Variants in TC2N observed in about 807,000 individuals in gnomAD.
TC2N encodes tandem C2 domains nuclear protein.
In TC2N, 51 loss-of-function variants were observed where a neutral mutation model predicts 61.9. The ratio of observed to expected loss-of-function variants is 0.82; its 90% CI spans 0.66 to 1.04. The LOEUF is 1.04. TC2N is among the 50% of genes least tolerant of loss of function. The pLI, the probability that TC2N is intolerant of heterozygous loss-of-function variation, is 0.00. For missense variants in TC2N, 556 were observed against 566.7 expected, an observed-to-expected ratio of 0.98 and a Z score of 0.19; for synonymous variants, 204 against 192.6, an observed-to-expected ratio of 1.06 and a Z score of -0.49.
At chr14:91,829,482 A>G (rs536886734) in intron 1 of TC2N, among the ~76,000 whole-genome samples, 7 of 152,234 alleles carry the variant, frequency 4.6e-5, no homozygotes, top group African/African-American at 1.4e-4. Flanking sequence ...AAGCTGAAAG[A>G]TGAGTTTTAT....
chr14:91,849,227 C>T (rs961253804), intron 1 of TC2N, among the ~76,000 whole-genome samples: 1 of 152,140 alleles, frequency 6.6e-6, no homozygotes, highest in Non-Finnish European at 1.5e-5. Context: ...TTTCACTTCC[C>T]CAGTAAGAGT....
chr14:91,865,901 T>A (rs1566793474), intron 1 of TC2N, among the ~76,000 whole-genome samples: 2 of 152,200 alleles, frequency 1.3e-5, no homozygotes, highest in Non-Finnish European at 2.9e-5. Flanking sequence ...AAGTTTTAGA[T>A]TAACTTTTTA....
intron 4 of TC2N, among the ~76,000 whole-genome samples, chr14:91,800,794 T>A (rs930996422): frequency 1.3e-5 from 2 of 152,062 alleles, no homozygotes; most frequent in African/African-American, 4.8e-5. Context: ...TATTTTTAGT[T>A]TCCCTCCTAC....
At chr14:91,790,589 A>G (rs1398060818) in intron 9 of TC2N, among the ~76,000 whole-genome samples, 6 of 152,258 alleles carry the variant, frequency 3.9e-5, no homozygotes, top group Non-Finnish European at 7.3e-5. Context: ...GTAGAAATTT[A>G]GCCATAATTA....
Position 91,837,455 on chromosome 14 carries a change from C to T in TC2N, c.-56-23630G>A, listed in dbSNP as rs1888067368. ...GGCTAGTCTTGAACTCCTGGACTCA[C>T]GTGATCCTCCCACCTCTGCCTCCCA... On this transcript the variant is annotated intron_variant, in intron 1 of 11. Coordinates refer to ENST00000435962, the MANE Select transcript of TC2N (RefSeq NM_001128596.3). This position sits in a 1 kb window ranked among gnomAD's most constrained non-coding sequence, Gnocchi z 4.2. 6.6e-6 allele frequency among the ~76,000 whole-genome samples: 1 copy of T among 152,082 alleles called. No individual in the cohort carries two copies. The highest frequency in any genetic ancestry group is 1.5e-5 in the Non-Finnish European group (1 of 68,024).
At chr14:91,798,068 T>TA (rs989448590) in intron 7 of TC2N, among the ~76,000 whole-genome samples, 167 bp from the exon 8 acceptor site, 7 of 152,032 alleles carry the variant, frequency 4.6e-5, no homozygotes, top group African/African-American at 7.2e-5. Flanking sequence ...TATAATATTC[T>TA]AGATGTTATG....
chr14:91,842,602 AC>A (rs1228155539), intron 1 of TC2N, among the ~76,000 whole-genome samples: 1 of 152,218 alleles, frequency 6.6e-6, no homozygotes, highest in Non-Finnish European at 1.5e-5. Flanking sequence ...CAAGGCCCAA[AC>A]ATGTATCTTA....
intron 1 of TC2N, among the ~76,000 whole-genome samples, chr14:91,840,400 G>C (rs1270363110): frequency 1.3e-5 from 2 of 152,140 alleles, no homozygotes; most frequent in African/African-American, 4.8e-5. Context: ...TTATCAAAGA[G>C]CTTATTAAGG....
At position 91,783,088 on chromosome 14, in the gene TC2N, T is replaced by C; in HGVS notation, c.*12A>G. ...AATGTCAAGTTCTTCACCAAATTAA[T>C]GTGTGAAGTCTTCAAGATGGATTTA... On this transcript the variant is annotated 3_prime_UTR_variant, in exon 12 of 12. Coordinates refer to ENST00000435962, the MANE Select transcript of TC2N (RefSeq NM_001128596.3). The C allele has an allele frequency of 2.7e-6, 4 of 1,478,662 alleles. No individual in the cohort carries two copies. Among genetic ancestry groups the C allele is most frequent in the Non-Finnish European group, 3.8e-6 (4 of 1,058,770 alleles). 91.6% of individuals were successfully genotyped at this position (1,478,662 alleles called of 1,614,324 possible).
At chr14:91,842,868 G>T (rs1008005158) in intron 1 of TC2N, among the ~76,000 whole-genome samples, 5 of 152,120 alleles carry the variant, frequency 3.3e-5, no homozygotes, top group African/African-American at 1.2e-4. Context: ...TTACAGTATT[G>T]GCCCCAGGAC....
intron 9 of TC2N, among the ~76,000 whole-genome samples, chr14:91,791,068 G>C (rs1375942265): frequency 6.6e-6 from 1 of 151,456 alleles, no homozygotes; most frequent in Non-Finnish European, 1.5e-5. Flanking sequence ...GGAGATGGAG[G>C]AGGTAGTGAG....
chr14:91,791,446 G>C (rs951785002), intron 9 of TC2N, among the ~76,000 whole-genome samples: 6 of 152,088 alleles, frequency 3.9e-5, no homozygotes, highest in African/African-American at 1.2e-4. Flanking sequence ...AAAAGCTTAA[G>C]ACTGATTTTT....
chr14:91,835,212 A>G (rs1311586433), intron 1 of TC2N, among the ~76,000 whole-genome samples: 1 of 152,280 alleles, frequency 6.6e-6, no homozygotes, highest in Non-Finnish European at 1.5e-5. Context: ...AAGGTAACTC[A>G]TATTCATTAG....
intron 1 of TC2N, among the ~76,000 whole-genome samples, chr14:91,862,238 G>T (rs1009582264): frequency 1.3e-5 from 2 of 151,208 alleles, no homozygotes; most frequent in Non-Finnish European, 2.9e-5. Context: ...TACTTGGGAT[G>T]CTGAGATGGT....
intron 3 of TC2N, among the ~76,000 whole-genome samples, chr14:91,802,746 G>GC (rs1886320985): frequency 6.6e-6 from 1 of 150,742 alleles, no homozygotes; most frequent in African/African-American, 2.4e-5. Flanking sequence ...TACAAGATTG[G>GC]GGGGGGAGAT....
intron 1 of TC2N, among the ~76,000 whole-genome samples, chr14:91,844,275 T>A (rs941802307): frequency 2.0e-5 from 3 of 152,134 alleles, no homozygotes; most frequent in African/African-American, 7.2e-5. Flanking sequence ...CCTGAGCAAC[T>A]CATCACTCCT....
At chr14:91,838,443 G>C (rs1388750561) in intron 1 of TC2N, among the ~76,000 whole-genome samples, 3 of 152,190 alleles carry the variant, frequency 2.0e-5, no homozygotes, top group Non-Finnish European at 2.9e-5. Context: ...ACAGTGCCCA[G>C]CTTCCCTTGA....
Position 91,787,565 on chromosome 14 carries a change from T to C in TC2N, c.1110A>G (p.Leu370=), listed in dbSNP as rs1358952767. The change falls in exon 10 of 12, where the codon TTA becomes TTG. Residue 370 remains leucine (L), a synonymous_variant. Transcript: ENST00000435962. ...CFQAVNSRIQ[L]QILEARYLPS... ...GAAGGTACCGTGCCTCAAGAATTTG[T>C]AACTGAATTCTGCTATTTACTGCTT... 1.2e-6 allele frequency: 2 copies of C among 1,613,086 alleles called. No individual in the cohort carries two copies. Among genetic ancestry groups the C allele is most frequent in the Middle Eastern group, 1.7e-4 (1 of 6,058 alleles).
intron 1 of TC2N, among the ~76,000 whole-genome samples, chr14:91,826,879 C>T (rs1887521721): frequency 6.6e-6 from 1 of 152,174 alleles, no homozygotes; most frequent in South Asian, 2.1e-4. Context: ...TATAGCTATG[C>T]AGCTTTCTTT....
Sources: allele counts gnomAD v4.1 joint callset (sites outside exome capture counted in the v4.1 genomes callset), GRCh38; gene constraint gnomAD v4.1.1; non-coding constraint Gnocchi (gnomAD v3.1); transcripts MANE v1.5; gene names NCBI Gene and HGNC (gene_info 2026-07-23, HGNC 2026-07-21).